SIGLEC7: variants seen among roughly 807,000 people sequenced by gnomAD.
SIGLEC7 encodes the protein sialic acid-binding Ig-like lectin 7.
In SIGLEC7, 33 loss-of-function variants were observed where a neutral mutation model predicts 40.8. The ratio of observed to expected loss-of-function variants is 0.81; its 90% CI spans 0.61 to 1.08. The LOEUF is 1.08. SIGLEC7 is among the 50% of genes least tolerant of loss of function. SIGLEC7 has a pLI of 0.00. For missense variants in SIGLEC7, 513 were observed against 576.1 expected (o/e 0.89, Z 1.12); for synonymous variants, 242 against 237.6 (o/e 1.02, Z -0.17).
In SIGLEC7 at chr19:51,145,785, T is replaced by C; in HGVS notation, c.761-70T>C. On this transcript the variant is annotated intron_variant, in intron 3 of 6. Transcript: ENST00000317643. This position sits in a 1 kb window ranked among gnomAD's most constrained non-coding sequence, Gnocchi z 4.3. Reference sequence around the variant, plus strand: ...CATCACTCTCTGTTCCATTCCCCAGTCTCATTCTGTATCCTTCCTCCCTGT... The same window carrying C: ...CATCACTCTCTGTTCCATTCCCCAGCCTCATTCTGTATCCTTCCTCCCTGT... 6.4e-7 allele frequency: 1 copy of C among 1,557,768 alleles called. No individual in the cohort carries two copies. The highest frequency in any genetic ancestry group is 8.8e-7 in the Non-Finnish European group (1 of 1,136,714).
chr19:51,147,130 G>T (rs900182318), intron 5 of SIGLEC7, 91 bp from the exon 6 acceptor site: 52 of 1,581,818 alleles, frequency 3.3e-5, no homozygotes, highest in Non-Finnish European at 4.2e-5. Flanking sequence ...TACCCCTCCA[G>T]CGCCCCAACA....
In SIGLEC7 at chr19:51,144,724, G is replaced by A. The variant is rs745691151; in HGVS notation, c.712+40G>A. On this transcript the variant is annotated intron_variant, in intron 2 of 6. Coordinates refer to ENST00000317643, the MANE Select transcript of SIGLEC7 (RefSeq NM_014385.4). ...AGGACGCCCTGGTCCCTGATGAGGGGGGGACGTCCCTGAGGGCAGAGGATG... is the reference window on the plus strand; with the variant it reads ...AGGACGCCCTGGTCCCTGATGAGGGAGGGACGTCCCTGAGGGCAGAGGATG... 3.1e-6 allele frequency: 5 copies of A among 1,601,802 alleles called. No homozygotes were observed. In the East Asian group the frequency reaches 8.9e-5, roughly 29 times the overall value.
intron 1 of SIGLEC7, chr19:51,144,203 G>C: frequency 1.3e-6 from 1 of 798,560 alleles, no homozygotes; most frequent in Non-Finnish European, 2.1e-6. Context: ...GAATGTGACA[G>C]ATAAGGCACA....
chr19:51,144,429 C>T lies in SIGLEC7; in HGVS notation c.457C>T (p.Leu153Phe). The T allele has an allele frequency of 6.2e-7, 1 of 1,611,622 alleles. No homozygotes were observed. Among genetic ancestry groups the T allele is most frequent in the Non-Finnish European group, 8.5e-7 (1 of 1,179,500 alleles). The change falls in exon 2 of 7, where the codon CTT becomes TTT. Residue 153 changes from leucine to phenylalanine, a missense_variant. Leu to Phe is a conservative substitution (Grantham distance 22, BLOSUM62 0). Coordinates refer to ENST00000317643, the MANE Select transcript of SIGLEC7 (RefSeq NM_014385.4). ...VTALTHRPNI[L>F]IPGTLESGCF... Reference sequence around the variant, plus strand: ...AGCCTTGACCCACAGGCCCAACATCCTTATCCCCGGTACCCTGGAGTCTGG... The same window carrying T: ...AGCCTTGACCCACAGGCCCAACATCTTTATCCCCGGTACCCTGGAGTCTGG...
intron 6 of SIGLEC7, among the ~76,000 whole-genome samples, chr19:51,151,075 G>C (rs1410350449): frequency 6.6e-6 from 1 of 152,176 alleles, no homozygotes; most frequent in Admixed American, 6.5e-5. Context: ...GCAGGGGAAG[G>C]AGAGAGCATA....
At chr19:51,143,288 T>A (rs1297121440) in intron 1 of SIGLEC7, among the ~76,000 whole-genome samples, 1 of 152,104 alleles carries the variant, frequency 6.6e-6, no homozygotes, top group African/African-American at 2.4e-5. Context: ...AGGAAGCACT[T>A]CCTGGCGCAA....
Position 51,144,652 on chromosome 19 carries a change from C to A in SIGLEC7, c.680C>A (p.Thr227Asn). Residue 227 changes from threonine to asparagine, a missense_variant, in exon 2 of 7, where the codon ACC becomes AAC. By Grantham distance (65) the Thr-to-Asn change is moderately conservative. Transcript: ENST00000317643. ...GTGACCTTGCCTGGGGCCGGCGTGA[C>A]CACGAACAGGACCATCCAACTCAAT... The part of the protein sequence containing the change: ...CQVTLPGAGV[T>N]TNRTIQLNVS... The A allele has an allele frequency of 6.2e-7, 1 of 1,613,782 alleles. No individual in the cohort carries two copies. Among genetic ancestry groups the A allele is most frequent in the Non-Finnish European group, 8.5e-7 (1 of 1,179,998 alleles).
In SIGLEC7 at chr19:51,142,370, ATGCTGC is replaced by A; in HGVS notation, c.17_22del (p.LeuLeu6_?7). The stretch of plus-strand genomic sequence containing the variant: ...GGCCCTGGCACCTCCAACCCCAGAT[ATGCTGC>A]TGCTGCTGCTGCTGCCCCTGCTCTG... On this transcript the variant is annotated start_lost and inframe_deletion, in exon 1 of 7. Coordinates refer to ENST00000317643, the MANE Select transcript of SIGLEC7 (RefSeq NM_014385.4). This position sits in a 1 kb window ranked among gnomAD's most constrained non-coding sequence, Gnocchi z 5.0. 1.2e-6 allele frequency: 2 copies of A among 1,612,516 alleles called. No homozygotes were observed. The highest frequency in any genetic ancestry group is 1.3e-5 in the African/African-American group (1 of 74,982).
rs146176474 is a variant in SIGLEC7 at position 51,147,000 on chromosome 19, G to A, written c.1124+150G>A. The A allele has an allele frequency of 4.4e-4, 436 of 989,788 alleles. 1 individual carries two copies. The African/African-American group carries it at 5.5e-3, about 12-fold the overall frequency. The allele number at this position is 989,788 out of a possible 1,614,324, so 61.3% of individuals were successfully genotyped here. A position where few individuals can be genotyped will look rare whatever the true frequency, so the allele number is the denominator to read the frequency against. Reference sequence around the variant, plus strand: ...GGTGCGTGGCAAGAATTTCAAGAGCGCCCTTGTCTGTGGGGCTCCACATCT... The same window carrying A: ...GGTGCGTGGCAAGAATTTCAAGAGCACCCTTGTCTGTGGGGCTCCACATCT... On this transcript the variant is annotated intron_variant, in intron 5 of 6. Transcript: ENST00000317643.
chr19:51,151,033 G>C (rs1002075369), intron 6 of SIGLEC7, among the ~76,000 whole-genome samples: 1 of 152,142 alleles, frequency 6.6e-6, no homozygotes, highest in Non-Finnish European at 1.5e-5. Context: ...GGATTCCTCT[G>C]GCCACTGTGT....
intron 6 of SIGLEC7, among the ~76,000 whole-genome samples, chr19:51,147,895 G>A (rs1323862198): frequency 1.3e-5 from 2 of 152,228 alleles, no homozygotes; most frequent in African/African-American, 4.8e-5. Context: ...CTCTACTGAT[G>A]TAGCAGGAAA....
chr19:51,153,176 G>T lies in SIGLEC7; in HGVS notation c.1335G>T (p.Gly445=), dbSNP rs1193860655. ...IQYAPLSFHK[G]EPQDLSGQEA... ...ATGCACCCCTCAGCTTTCATAAGGG[G>T]GAGCCTCAGGACCTATCAGGACAAG... Residue 445 remains glycine (G), a synonymous_variant, in exon 7 of 7, where the codon GGG becomes GGT. Transcript: ENST00000317643. 2.5e-6 allele frequency: 4 copies of T among 1,609,078 alleles called. No individual in the cohort carries two copies. The highest frequency in any genetic ancestry group is 2.5e-6 in the Non-Finnish European group (3 of 1,177,764).
intron 6 of SIGLEC7, among the ~76,000 whole-genome samples, chr19:51,150,357 C>T (rs933708298): frequency 2.0e-5 from 3 of 152,122 alleles, no homozygotes; most frequent in East Asian, 1.9e-4. Context: ...TAACACGAAG[C>T]GATGCTGAAT....
In SIGLEC7 at chr19:51,144,453, G is replaced by T. The variant is rs765069238; in HGVS notation, c.481G>T (p.Gly161Cys). The T allele has an allele frequency of 1.1e-5, 17 of 1,613,178 alleles. No individual in the cohort carries two copies. Among genetic ancestry groups the T allele is most frequent in the Non-Finnish European group, 8.5e-7 (1 of 1,179,960 alleles). Residue 161 changes from glycine to cysteine, a missense_variant, in exon 2 of 7, where the codon GGC becomes TGC. Gly to Cys is a radical substitution (Grantham distance 159). Coordinates refer to ENST00000317643, the MANE Select transcript of SIGLEC7 (RefSeq NM_014385.4). ...CCTTATCCCCGGTACCCTGGAGTCT[G>T]GCTGCTTCCAGAATCTGACCTGCTC... ...NILIPGTLES[G>C]CFQNLTCSVP...
intron 6 of SIGLEC7, chr19:51,152,829 A>G (rs1199889969): frequency 3.3e-6 from 1 of 303,296 alleles, no homozygotes; most frequent in Non-Finnish European, 6.1e-6. Context: ...CGGGAAGTTA[A>G]TAAGATTAAT....
chr19:51,153,097 C>A lies in SIGLEC7; in HGVS notation c.1256C>A (p.Pro419His). ...ACTGAGTCCTGGGCAGATGATAACCCCCGACACCATGGCCTGGCTGCCCAC... is the reference window on the plus strand; with the variant it reads ...ACTGAGTCCTGGGCAGATGATAACCACCGACACCATGGCCTGGCTGCCCAC... ...NLTESWADDN[P>H]RHHGLAAHSS... The change falls in exon 7 of 7, where the codon CCC (proline) becomes CAC (histidine). Residue 419 changes from proline (P) to histidine (H), a missense_variant. Coordinates refer to ENST00000317643, the MANE Select transcript of SIGLEC7 (RefSeq NM_014385.4). 1 of 1,604,576 alleles carries A rather than the reference C, an allele frequency of 6.2e-7. No homozygotes were observed. The highest frequency in any genetic ancestry group is 8.5e-7 in the Non-Finnish European group (1 of 1,175,426).
Position 51,142,429 on chromosome 19 carries a change from G to T in SIGLEC7, c.60G>T (p.Lys20Asn), listed in dbSNP as rs768342568. The T allele has an allele frequency of 6.8e-6, 11 of 1,614,154 alleles. No individual in the cohort carries two copies. The East Asian group carries it at 8.9e-5, about 13-fold the overall frequency. Residue 20 changes from lysine (K) to asparagine (N), a missense_variant, in exon 1 of 7, where the codon AAG becomes AAT. By Grantham distance (94) the Lys-to-Asn change is moderately conservative. Transcript: ENST00000317643. The surrounding 1 kb of genome is among the most constrained non-coding windows in gnomAD (Gnocchi z 5.0). ...LWGRERVEGQ[K>N]SNRKDYSLTM... ...GGAGGGAGAGGGTGGAAGGACAGAA[G>T]AGTAACCGGAAGGATTACTCGCTGA... is the stretch of plus-strand genomic sequence containing the variant.
In SIGLEC7 at chr19:51,142,568, C is replaced by T. The variant is rs893781414; in HGVS notation, c.199C>T (p.Arg67Trp). Reference protein sequence around the residue: ...DSDPVHGYWFRAGNDISWKAP... With the variant: ...DSDPVHGYWFWAGNDISWKAP... ...TGACCCAGTTCATGGCTACTGGTTC[C>T]GGGCAGGGAATGATATAAGCTGGAA... The change falls in exon 1 of 7, where the codon CGG (arginine) becomes TGG (tryptophan). Residue 67 changes from arginine (R) to tryptophan (W), a missense_variant. Arg to Trp is a moderately radical substitution (Grantham distance 101). Transcript: ENST00000317643. The surrounding 1 kb of genome is among the most constrained non-coding windows in gnomAD (Gnocchi z 5.0). 6 of 1,613,968 alleles carry T rather than the reference C, an allele frequency of 3.7e-6. No homozygotes were observed. The highest frequency in any genetic ancestry group is 1.3e-5 in the African/African-American group (1 of 74,872).
chr19:51,146,725 T>C (rs1470324057), intron 4 of SIGLEC7, 29 bp from the exon 5 acceptor site: 1 of 1,599,808 alleles, frequency 6.3e-7, no homozygotes, highest in Non-Finnish European at 8.6e-7. Flanking sequence ...TGGAGTTGGA[T>C]CACCAAAACA....
Sources: gnomAD v4.1 joint callset for allele counts (sites outside exome capture counted in the v4.1 genomes callset) on GRCh38, gnomAD v4.1.1 for gene constraint, Gnocchi (gnomAD v3.1) non-coding constraint, MANE v1.5 for transcripts, NCBI Gene and HGNC (gene_info 2026-07-23, HGNC 2026-07-21) for gene names.